Variants in ZFHX3 observed in about 807,000 individuals in gnomAD.
ZFHX3 encodes the protein zinc finger homeobox 3, also known as zinc finger homeobox protein 3.
In ZFHX3, 42 loss-of-function variants were observed where a neutral mutation model predicts 279.1. The ratio of observed to expected loss-of-function variants is 0.15; its 90% confidence interval spans 0.12 to 0.19. The LOEUF (loss-of-function observed/expected upper bound fraction) is 0.19, where lower values mean the gene tolerates loss of function less well. ZFHX3 is among the 10% of genes least tolerant of loss of function. The probability of loss-of-function intolerance (pLI) is 1.00; values close to 1 mark genes in which losing one functional copy is unlikely to be tolerated. For missense variants in ZFHX3, 4,981 were observed against 4,754.0 expected (o/e 1.05, Z -1.40); for synonymous variants, 2,293 against 1,957.8 (o/e 1.17, Z -4.52).
chr16:72,930,087 G>A lies in ZFHX3; in HGVS notation c.3216+20382C>T, dbSNP rs141405098. On this transcript the variant is annotated intron_variant, in intron 3 of 9. Transcript: ENST00000268489. ...ACAAAAATTAGCCAGGCGTGGTGGC[G>A]GGCGCCTGTAATCCCAGCTACTTGG... is the stretch of plus-strand genomic sequence containing the variant. Among the ~76,000 whole-genome samples, 597 of 152,162 alleles carry A rather than the reference G, an allele frequency of 3.9e-3. 13 individuals are homozygous for A. Among genetic ancestry groups the A allele is most frequent in the East Asian group, 0.014 (73 of 5,170 alleles).
chr16:73,682,898 G>GAAAGAA (rs1567550544), intron 1 of ZFHX3, among the ~76,000 whole-genome samples: 1 of 50,744 alleles, frequency 2.0e-5, no homozygotes, highest in African/African-American at 8.7e-5. Context: ...AAGAAAGAAA[G>GAAAGAA]AAAGAAAGAG....
intron 4 of ZFHX3, among the ~76,000 whole-genome samples, chr16:72,885,723 T>C (rs1407364008): frequency 6.6e-6 from 1 of 152,124 alleles, no homozygotes; most frequent in African/African-American, 2.4e-5. Context: ...AAGGGTTTTG[T>C]GTAATATTCT....
intron 1 of ZFHX3, among the ~76,000 whole-genome samples, chr16:73,738,987 G>A (rs1423724414): frequency 7.3e-6 from 1 of 137,764 alleles, no homozygotes; most frequent in Non-Finnish European, 1.5e-5. Flanking sequence ...AGACCAGACT[G>A]TGGTGGTTCT....
At chr16:73,889,424 A>C (rs1271574206) in intron 1 of ZFHX3, among the ~76,000 whole-genome samples, 1 of 152,222 alleles carries the variant, frequency 6.6e-6, no homozygotes, top group African/African-American at 2.4e-5. Context: ...TCATCTGGGA[A>C]GGGGAAGAGA....
chr16:73,687,011 AATATATATATATATATAT>A (rs58565282), intron 1 of ZFHX3, among the ~76,000 whole-genome samples: 975 of 53,228 alleles, frequency 0.018, 29 homozygotes, highest in East Asian at 0.063. Flanking sequence ...TTTGCAGCTA[AATATATATATATATATAT>A]ATATATATAT....
chr16:73,355,148 G>C (rs762833256), intron 3 of ZFHX3, among the ~76,000 whole-genome samples: 1 of 152,128 alleles, frequency 6.6e-6, no homozygotes, highest in African/African-American at 2.4e-5. Context: ...ACCTTGAACC[G>C]AGATTCCATC....
Position 72,793,299 on chromosome 16 carries a change from C to T in ZFHX3, c.9383G>A (p.Gly3128Asp). 2 of 1,614,020 alleles carry T rather than the reference C, an allele frequency of 1.2e-6. No homozygotes were observed. Among genetic ancestry groups the T allele is most frequent in the African/African-American group, 2.7e-5 (2 of 75,032 alleles). ...LQGIPPVLLPGLNSPSLPGFT... is the reference protein window; with the variant it reads ...LQGIPPVLLPDLNSPSLPGFT... ...GCCTGGCAAGGAGGGGCTGTTGAGG[C>T]CCGGGAGCAACACAGGAGGAATGCC... The change falls in exon 9 of 10, where the codon GGC (glycine) becomes GAC (aspartate). Residue 3128 changes from glycine to aspartate, a missense_variant. Coordinates refer to ENST00000268489, the MANE Select transcript of ZFHX3 (RefSeq NM_006885.4). The surrounding 1 kb of genome is among the most constrained non-coding windows in gnomAD (Gnocchi z 4.3).
At chr16:73,482,433 T>C (rs765505833) in intron 2 of ZFHX3, among the ~76,000 whole-genome samples, 22 of 151,970 alleles carry the variant, frequency 1.4e-4, no homozygotes, top group Non-Finnish European at 2.6e-4. Flanking sequence ...ATCCCTTCTT[T>C]TGCAGGGCTG....
chr16:73,589,007 T>C (rs908587268), intron 2 of ZFHX3, among the ~76,000 whole-genome samples: 4 of 151,888 alleles, frequency 2.6e-5, no homozygotes, highest in African/African-American at 9.7e-5. Flanking sequence ...AGGCCTGTAA[T>C]CCCAGCACTT....
chr16:73,313,442 C>A (rs1429890119), intron 4 of ZFHX3, among the ~76,000 whole-genome samples: 1 of 151,426 alleles, frequency 6.6e-6, no homozygotes, highest in African/African-American at 2.4e-5. Flanking sequence ...TGTCAAAAAA[C>A]ACAGTTTGGA....
intron 5 of ZFHX3, among the ~76,000 whole-genome samples, chr16:73,158,229 A>G (rs1967142807): frequency 6.6e-6 from 1 of 152,144 alleles, no homozygotes; most frequent in Admixed American, 6.6e-5. Context: ...GACACATACC[A>G]TGAGTACCTC....
intron 5 of ZFHX3, among the ~76,000 whole-genome samples, chr16:73,233,471 CTGTT>C (rs1225469707): frequency 7.2e-5 from 11 of 152,216 alleles, no homozygotes; most frequent in African/African-American, 1.4e-4. Context: ...TGCTGATTCT[CTGTT>C]TGTCTGCAGA....
chr16:73,760,055 A>G lies in ZFHX3; in HGVS notation c.-1607-79815T>C, dbSNP rs183314259. ...AATAAAACAGACAACTGGCTAGATG[A>G]ATAAAGAAGAAAAGAAAGAAGAATC... is the stretch of plus-strand genomic sequence containing the variant. On this transcript the variant is annotated intron_variant, in intron 1 of 17. Transcript: ENST00000641206. 6.3e-4 allele frequency among the ~76,000 whole-genome samples: 96 copies of G among 152,106 alleles called. 2 individuals carry two copies. In the East Asian group the frequency reaches 0.016, roughly 26 times the overall value.
intron 1 of ZFHX3, among the ~76,000 whole-genome samples, chr16:73,685,657 C>T (rs1049810752): frequency 1.3e-5 from 2 of 152,152 alleles, no homozygotes; most frequent in Non-Finnish European, 2.9e-5. Context: ...TATATCAGTT[C>T]ATAACATAGA....
intron 2 of ZFHX3, among the ~76,000 whole-genome samples, chr16:73,628,851 C>G (rs2052442014): frequency 6.6e-6 from 1 of 152,142 alleles, no homozygotes; most frequent in South Asian, 2.1e-4. Context: ...TAGAAGCAAC[C>G]TGAATTCAGG....
intron 3 of ZFHX3, among the ~76,000 whole-genome samples, chr16:72,936,748 G>A (rs1960145614): frequency 6.6e-6 from 1 of 152,208 alleles, no homozygotes; most frequent in Non-Finnish European, 1.5e-5. Context: ...ACAAAGGTGA[G>A]CTTTTATCTT....
chr16:73,375,247 T>C (rs943204383), intron 3 of ZFHX3, among the ~76,000 whole-genome samples: 1 of 152,202 alleles, frequency 6.6e-6, no homozygotes, highest in African/African-American at 2.4e-5. Context: ...AAATTCATGG[T>C]AGTTATTTTT....
At chr16:73,474,553 C>T (rs1274706999) in intron 2 of ZFHX3, among the ~76,000 whole-genome samples, 2 of 152,156 alleles carry the variant, frequency 1.3e-5, no homozygotes, top group Admixed American at 1.3e-4. Context: ...GAGGAGGAAG[C>T]AGTGGTGGGG....
At chr16:73,651,680 CAAAAAAAAAAAAAAAAA>C (rs57386925) in intron 2 of ZFHX3, among the ~76,000 whole-genome samples, 1 of 41,660 alleles carries the variant, frequency 2.4e-5, no homozygotes, top group African/African-American at 6.5e-5. Context: ...ACTAAAAATA[CAAAAAAAAAAAAAAAAA>C]AAAAAAAAAA....
Sources: gnomAD v4.1 joint callset for allele counts (sites outside exome capture counted in the v4.1 genomes callset) on GRCh38, gnomAD v4.1.1 for gene constraint, Gnocchi (gnomAD v3.1) non-coding constraint, MANE v1.5 for transcripts, NCBI Gene and HGNC (gene_info 2026-07-23, HGNC 2026-07-21) for gene names.